The following PARP8 variants were observed in gnomAD, a reference collection of about 807,000 sequenced individuals.
PARP8 encodes the protein protein mono-ADP-ribosyltransferase PARP8.
Under a neutral mutation model 124.1 loss-of-function variants are expected in PARP8, and 51 were observed. The ratio of observed to expected loss-of-function variants is 0.41; its 90% CI spans 0.33 to 0.52. The LOEUF (loss-of-function observed/expected upper bound fraction) is 0.52, where lower values mean the gene tolerates loss of function less well. Ranked by LOEUF, PARP8 falls within the 20% of genes least tolerant of loss-of-function variation. The probability of loss-of-function intolerance (pLI) is 0.21; values close to 1 mark genes in which losing one functional copy is unlikely to be tolerated. For missense variants in PARP8, 860 were observed against 1,018.9 expected (o/e 0.84, Z 2.12); for synonymous variants, 391 against 361.5 (o/e 1.08, Z -0.93).
chr5:50,811,146 A>G (rs2149681920), intron 14 of PARP8, among the ~76,000 whole-genome samples: 1 of 152,228 alleles, frequency 6.6e-6, no homozygotes, highest in East Asian at 1.9e-4. Flanking sequence ...AACCAAAAAC[A>G]TACAGGAAAG....
At chr5:50,818,921 C>G (rs2149696732) in intron 15 of PARP8, among the ~76,000 whole-genome samples, 1 of 152,170 alleles carries the variant, frequency 6.6e-6, no homozygotes, top group East Asian at 1.9e-4. Flanking sequence ...GGGACTGGAC[C>G]CCTTCGATCA....
chr5:50,785,655 A>G (rs1470493164), intron 9 of PARP8, among the ~76,000 whole-genome samples: 2 of 152,204 alleles, frequency 1.3e-5, no homozygotes, highest in Admixed American at 6.5e-5. Flanking sequence ...TGTTTACTCT[A>G]TACCTTACTC....
At chr5:50,833,276 G>T (rs1205580292) in intron 23 of PARP8, 2 of 298,728 alleles carry the variant, frequency 6.7e-6, no homozygotes, top group Non-Finnish European at 1.3e-5. Context: ...ATGTTAAATG[G>T]GATGGTCAGG....
At chr5:50,789,111 G>T (rs1192745601) in intron 10 of PARP8, among the ~76,000 whole-genome samples, 2 of 152,116 alleles carry the variant, frequency 1.3e-5, no homozygotes, top group Non-Finnish European at 2.9e-5. Flanking sequence ...ACCGGCCCTG[G>T]ACTCCTGCAC....
At chr5:50,782,895 GAGGAGACCACT>G (rs1474094768) in intron 9 of PARP8, among the ~76,000 whole-genome samples, 1 of 152,184 alleles carries the variant, frequency 6.6e-6, no homozygotes, top group African/African-American at 2.4e-5. Context: ...AGAGTGGTAG[GAGGAGACCACT>G]AGGGAAGATG....
chr5:50,755,884 A>G (rs1452463820), intron 3 of PARP8, among the ~76,000 whole-genome samples: 1 of 152,126 alleles, frequency 6.6e-6, no homozygotes, highest in African/African-American at 2.4e-5. Context: ...TTCTCCTTGA[A>G]GAGGTCCTTC....
intron 15 of PARP8, among the ~76,000 whole-genome samples, chr5:50,818,289 G>T (rs1456500070): frequency 2.0e-5 from 3 of 150,384 alleles, no homozygotes; most frequent in Non-Finnish European, 4.4e-5. Flanking sequence ...GAGTGCATTG[G>T]TGCAATCTCA....
chr5:50,695,968 A>T (rs1752982527), intron 2 of PARP8, among the ~76,000 whole-genome samples: 1 of 152,210 alleles, frequency 6.6e-6, no homozygotes, highest in African/African-American at 2.4e-5. Context: ...TGAAAGAAAT[A>T]TATGCTCTTT....
intron 2 of PARP8, among the ~76,000 whole-genome samples, chr5:50,685,432 C>G (rs1751752698): frequency 6.6e-6 from 1 of 152,174 alleles, no homozygotes; most frequent in Non-Finnish European, 1.5e-5. Flanking sequence ...CATACAACTC[C>G]TGCAGTTCTT....
intron 23 of PARP8, chr5:50,833,563 G>C (rs763966464): frequency 9.5e-6 from 3 of 317,182 alleles, no homozygotes; most frequent in African/African-American, 6.6e-5. Flanking sequence ...TGTAACCTCC[G>C]TGACCTAGTA....
intron 9 of PARP8, among the ~76,000 whole-genome samples, chr5:50,787,953 T>C (rs376929420): frequency 2.0e-5 from 3 of 149,448 alleles, no homozygotes; most frequent in East Asian, 3.9e-4. Flanking sequence ...CACACACATA[T>C]ATACACATAT....
Position 50,676,600 on chromosome 5 carries a change from G to A in PARP8, c.146+8475G>A, listed in dbSNP as rs139221921. Among the ~76,000 whole-genome samples, 843 of 152,238 alleles carry A rather than the reference G, an allele frequency of 5.5e-3. 7 individuals are homozygous for A. Among genetic ancestry groups the A allele is most frequent in the African/African-American group, 0.019 (788 of 41,542 alleles). On this transcript the variant is annotated intron_variant, in intron 2 of 25. Coordinates refer to ENST00000281631, the MANE Select transcript of PARP8 (RefSeq NM_024615.4). ...GTACTCATTATGTCCTCTTAAATTCGGTCACTTTGACTGCAGTAGAGCTTC... is the reference window on the plus strand; with the variant it reads ...GTACTCATTATGTCCTCTTAAATTCAGTCACTTTGACTGCAGTAGAGCTTC...
At chr5:50,672,736 C>T (rs1356179566) in intron 2 of PARP8, among the ~76,000 whole-genome samples, 6 of 152,078 alleles carry the variant, frequency 3.9e-5, no homozygotes, top group African/African-American at 9.7e-5. Flanking sequence ...CACCTGGGCC[C>T]GCAGTGTGTA....
chr5:50,832,265 G>A (rs1355161252), intron 22 of PARP8, among the ~76,000 whole-genome samples: 2 of 152,046 alleles, frequency 1.3e-5, no homozygotes, highest in African/African-American at 4.8e-5. Flanking sequence ...ATTATTCACA[G>A]TAAGAAATTA....
intron 2 of PARP8, among the ~76,000 whole-genome samples, chr5:50,741,617 A>G (rs166863): frequency 0.54 from 81,291 of 151,926 alleles, 23,557 homozygotes; most frequent in East Asian, 0.64. Context: ...CAAAAACATT[A>G]CTTTTGATCC....
chr5:50,834,747 T>C (rs763289030), intron 24 of PARP8, 184 bp from the exon 25 acceptor site: 41 of 623,880 alleles, frequency 6.6e-5, no homozygotes, highest in Admixed American at 2.3e-4. Context: ...ATAAAGTTGT[T>C]ACATGGTCTT....
At chr5:50,688,392 A>T (rs1752109366) in intron 2 of PARP8, among the ~76,000 whole-genome samples, 1 of 152,232 alleles carries the variant, frequency 6.6e-6, no homozygotes, top group African/African-American at 2.4e-5. Flanking sequence ...TGAACCTCAC[A>T]GATCCCTGGT....
chr5:50,680,954 A>G (rs937700054), intron 2 of PARP8, among the ~76,000 whole-genome samples: 3 of 152,152 alleles, frequency 2.0e-5, no homozygotes, highest in Admixed American at 1.3e-4. Flanking sequence ...GCATCTGACT[A>G]CCTTAAGTGT....
At chr5:50,822,256 A>G (rs1745842668) in intron 16 of PARP8, 79 bp from the exon 17 acceptor site, 9 of 973,636 alleles carry the variant, frequency 9.2e-6, no homozygotes, top group South Asian at 6.7e-5. Flanking sequence ...TGGAAATAAT[A>G]TATTTCTCTA....
Sources: gnomAD v4.1 joint callset for allele counts (sites outside exome capture counted in the v4.1 genomes callset) on GRCh38, gnomAD v4.1.1 for gene constraint, MANE v1.5 for transcripts, NCBI Gene and HGNC (gene_info 2026-07-23, HGNC 2026-07-21) for gene names.